The following TRDN variants were observed in gnomAD, a reference collection of about 807,000 sequenced individuals.
TRDN encodes the protein triadin in skeletal muscle.
Under a neutral mutation model 149.7 loss-of-function variants are expected in TRDN, and 161 were observed. That is an observed-to-expected ratio of 1.08 (90% CI 0.95 to 1.23). The LOEUF (loss-of-function observed/expected upper bound fraction) is 1.23. Ranked by LOEUF, TRDN falls within the 50% of genes most tolerant of loss-of-function variation. The pLI is 0.00. For synonymous variants in TRDN, 294 were observed against 250.5 expected (o/e 1.17, Z -1.64); for missense variants, 896 against 823.5 (o/e 1.09, Z -1.08).
At chr6:123,328,633 T>C (rs542878059) in intron 23 of TRDN, among the ~76,000 whole-genome samples, 70 of 152,252 alleles carry the variant, frequency 4.6e-4, no homozygotes, top group African/African-American at 1.3e-3. Context: ...AGTCTCTATT[T>C]CAATACATGA....
chr6:123,286,564 A>G (rs1284395438), intron 24 of TRDN, among the ~76,000 whole-genome samples: 1 of 152,014 alleles, frequency 6.6e-6, no homozygotes, highest in Non-Finnish European at 1.5e-5. Flanking sequence ...AAGACTACAA[A>G]TTGGGTTCAG....
chr6:123,247,002 C>T (rs1250623232), intron 38 of TRDN, among the ~76,000 whole-genome samples: 2 of 152,068 alleles, frequency 1.3e-5, no homozygotes, highest in Non-Finnish European at 2.9e-5. Flanking sequence ...TGACAAAAAC[C>T]ACATGATTAT....
chr6:123,619,887 G>C (rs1395200264), intron 1 of TRDN, among the ~76,000 whole-genome samples: 1 of 152,148 alleles, frequency 6.6e-6, no homozygotes, highest in Non-Finnish European at 1.5e-5. Flanking sequence ...TGCAGGTCCA[G>C]AGAAATAGCT....
Position 123,530,559 on chromosome 6 carries a change from T to C in TRDN, c.431A>G (p.His144Arg). The C allele has an allele frequency of 8.0e-7, 1 of 1,252,380 alleles. No individual in the cohort carries two copies. The highest frequency in any genetic ancestry group is 1.6e-5 in the South Asian group (1 of 63,796). The allele number at this position is 1,252,380 out of a possible 1,614,324, so 77.6% of individuals were successfully genotyped here. A position where few individuals can be genotyped will look rare whatever the true frequency, so the allele number is the denominator to read the frequency against. The change falls in exon 5 of 41, where the codon CAC becomes CGC. Residue 144 changes from histidine to arginine, a missense_variant. Coordinates refer to ENST00000334268, the MANE Select transcript of TRDN (RefSeq NM_006073.4). ...DEPPLRKKEIHKDKTEKQEKP... is the reference protein window; with the variant it reads ...DEPPLRKKEIRKDKTEKQEKP... Reference sequence around the variant, plus strand: ...CTCTTGTTTTTCAGTCTTATCTTTGTGTATTTCTAAGAAAAAATAGAATTT... The same window carrying C: ...CTCTTGTTTTTCAGTCTTATCTTTGCGTATTTCTAAGAAAAAATAGAATTT...
intron 1 of TRDN, among the ~76,000 whole-genome samples, chr6:123,627,284 T>C (rs1234809984): frequency 6.6e-6 from 1 of 152,140 alleles, no homozygotes; most frequent in Non-Finnish European, 1.5e-5. Flanking sequence ...TCTTGAGCCA[T>C]GAGCTGCAAA....
intron 9 of TRDN, among the ~76,000 whole-genome samples, chr6:123,477,864 T>A (rs566054798): frequency 9.5e-5 from 13 of 136,646 alleles, no homozygotes; most frequent in Admixed American, 8.8e-4. Flanking sequence ...AACGATGAGA[T>A]CACATGGACA....
chr6:123,300,505 T>C (rs1457790030), intron 24 of TRDN, among the ~76,000 whole-genome samples: 1 of 151,926 alleles, frequency 6.6e-6, no homozygotes, highest in Non-Finnish European at 1.5e-5. Flanking sequence ...CCACAGAGAA[T>C]GAATTTCTCT....
chr6:123,310,639 C>G (rs9388214), intron 24 of TRDN, among the ~76,000 whole-genome samples: 1 of 151,706 alleles, frequency 6.6e-6, no homozygotes, highest in Non-Finnish European at 1.5e-5. Flanking sequence ...AAACGGATGG[C>G]TTGATAATTT....
intron 31 of TRDN, among the ~76,000 whole-genome samples, chr6:123,268,984 T>A (rs1334905155): frequency 6.6e-6 from 1 of 151,968 alleles, no homozygotes; most frequent in Non-Finnish European, 1.5e-5. Flanking sequence ...CTTATATGTA[T>A]TCCTAAGCTG....
chr6:123,428,410 A>G (rs956330013), intron 12 of TRDN, among the ~76,000 whole-genome samples: 1 of 152,168 alleles, frequency 6.6e-6, no homozygotes, highest in African/African-American at 2.4e-5. Flanking sequence ...ACCTATGGCC[A>G]ATTTACAGCT....
At chr6:123,347,762 C>T (rs544477513) in intron 21 of TRDN, among the ~76,000 whole-genome samples, 1 of 152,060 alleles carries the variant, frequency 6.6e-6, no homozygotes, top group Admixed American at 6.6e-5. Context: ...ATGGAAGGTC[C>T]TTTAGAGATA....
At chr6:123,513,858 T>A (rs922249388) in intron 6 of TRDN, among the ~76,000 whole-genome samples, 3 of 152,010 alleles carry the variant, frequency 2.0e-5, no homozygotes, top group Non-Finnish European at 4.4e-5. Context: ...TTCCTAAATG[T>A]CATAATGTGT....
chr6:123,247,654 C>T (rs1330787212), intron 38 of TRDN, among the ~76,000 whole-genome samples: 4 of 152,056 alleles, frequency 2.6e-5, no homozygotes, highest in Non-Finnish European at 4.4e-5. Context: ...GAATCAATAT[C>T]GTTAAAATGA....
At chr6:123,333,917 C>T (rs1316389578) in intron 22 of TRDN, among the ~76,000 whole-genome samples, 3 of 151,948 alleles carry the variant, frequency 2.0e-5, no homozygotes, top group Non-Finnish European at 4.4e-5. Context: ...TTTAATGGTG[C>T]TGGGATATAA....
chr6:123,581,781 G>A (rs189818265), intron 1 of TRDN, among the ~76,000 whole-genome samples: 1 of 152,268 alleles, frequency 6.6e-6, no homozygotes, highest in East Asian at 1.9e-4. Context: ...AAAAATGACA[G>A]AAAGAAAGCA....
intron 2 of TRDN, among the ~76,000 whole-genome samples, chr6:123,553,711 T>C (rs1305319518): frequency 6.6e-6 from 1 of 151,956 alleles, no homozygotes; most frequent in African/African-American, 2.4e-5. Context: ...CAAAAGAAAA[T>C]GAGAGCCAAG....
chr6:123,390,799 T>C (rs1391117425), intron 13 of TRDN, among the ~76,000 whole-genome samples: 1 of 152,142 alleles, frequency 6.6e-6, no homozygotes, highest in Admixed American at 6.6e-5. Flanking sequence ...TCTCAATAAC[T>C]GGGTTTTTGG....
At chr6:123,569,097 T>C (rs935156041) in intron 2 of TRDN, among the ~76,000 whole-genome samples, 2 of 152,208 alleles carry the variant, frequency 1.3e-5, no homozygotes, top group Admixed American at 6.5e-5. Flanking sequence ...ACATCTTGAA[T>C]GTTTTACTGC....
Position 123,221,520 on chromosome 6 carries a change from C to T in TRDN, c.2017G>A (p.Gly673Arg), listed in dbSNP as rs1269839961. The change falls in exon 40 of 41, where the codon GGA becomes AGA. Residue 673 changes from glycine (G) to arginine (R), a missense_variant and splice_region_variant. Physicochemically the swap from Gly to Arg is moderately radical, Grantham distance 125. Transcript: ENST00000334268. ...TTTGTGGGAGACACATCTTCAGTTC[C>T]TTCTAGTGGATAAAAAATATAAAAG... ...DVPASKKAKE[G>R]TEDVSPTKQK... 2 of 1,564,648 alleles carry T rather than the reference C, an allele frequency of 1.3e-6. No homozygotes were observed. Among genetic ancestry groups the T allele is most frequent in the South Asian group, 1.1e-5 (1 of 87,896 alleles).
Sources: allele counts gnomAD v4.1 joint callset (sites outside exome capture counted in the v4.1 genomes callset), GRCh38; gene constraint gnomAD v4.1.1; transcripts MANE v1.5; gene names NCBI Gene and HGNC (gene_info 2026-07-23, HGNC 2026-07-21).